Variants in POMK observed in about 807,000 individuals in gnomAD.
POMK encodes protein O-mannose kinase, also known as Sugen kinase 196.
Under a neutral mutation model 23.0 loss-of-function variants are expected in POMK, and 19 were observed. That is an observed-to-expected ratio of 0.83 (90% confidence interval 0.58 to 1.21). The LOEUF is 1.21. Ranked by LOEUF, POMK falls within the 50% of genes most tolerant of loss-of-function variation. The pLI is 0.00. For missense variants in POMK, 410 were observed against 431.3 expected, an observed-to-expected ratio of 0.95 and a Z score of 0.44; for synonymous variants, 173 against 171.6, an observed-to-expected ratio of 1.01 and a Z score of -0.06.
At chr8:43,108,700 G>A (rs1259551028) in intron 4 of POMK, among the ~76,000 whole-genome samples, 3 of 147,536 alleles carry the variant, frequency 2.0e-5, no homozygotes, top group African/African-American at 7.5e-5. Flanking sequence ...TTTATTCTAT[G>A]TCATAATCTC....
intron 4 of POMK, among the ~76,000 whole-genome samples, chr8:43,105,516 T>C (rs1390949781): frequency 6.6e-6 from 1 of 152,244 alleles, no homozygotes; most frequent in East Asian, 1.9e-4. Context: ...CAGATTTCCT[T>C]CTTTTTTATA....
chr8:43,122,071 A>C (rs1486602438), intron 4 of POMK, 36 bp from the exon 5 acceptor site: 2 of 1,589,134 alleles, frequency 1.3e-6, no homozygotes, highest in African/African-American at 2.7e-5. Context: ...ATTAGGTGAG[A>C]GTTCAGGCCT....
intron 4 of POMK, among the ~76,000 whole-genome samples, chr8:43,118,551 C>G (rs1488506003): frequency 6.6e-6 from 1 of 152,124 alleles, no homozygotes; most frequent in Admixed American, 6.5e-5. Context: ...TTTAACTGTT[C>G]TTTCCAAATA....
rs191438538 is a variant in POMK, at chr8:43,119,389, A to G, written c.283-2718A>G. Among the ~76,000 whole-genome samples, 72 of 151,636 alleles carry G rather than the reference A, an allele frequency of 4.7e-4. 1 individual carries two copies. Among genetic ancestry groups the G allele is most frequent in the Middle Eastern group, 3.4e-3 (1 of 290 alleles). On this transcript the variant is annotated intron_variant, in intron 4 of 4. Transcript: ENST00000331373. Reference sequence around the variant, plus strand: ...ATGTGGTCTTATCTAGTCCTTAAAAATTAGGAAATTTTTAGTGCATGTAGC... The same window carrying G: ...ATGTGGTCTTATCTAGTCCTTAAAAGTTAGGAAATTTTTAGTGCATGTAGC...
chr8:43,122,553 G>T lies in POMK; in HGVS notation c.729G>T (p.Lys243Asn). 6.2e-7 allele frequency: 1 copy of T among 1,614,224 alleles called. No homozygotes were observed. Among genetic ancestry groups the T allele is most frequent in the Non-Finnish European group, 8.5e-7 (1 of 1,180,042 alleles). The stretch of plus-strand genomic sequence containing the variant: ...ACCACAGCTCCGGGATGCTGGTGAA[G>T]TGCGGCCACAGGGAGCTGCATGGGG... ...LVNHSSGMLV[K>N]CGHRELHGDF... is the part of the protein sequence containing the mutation. Residue 243 changes from lysine to asparagine, a missense_variant, in exon 5 of 5, where the codon AAG becomes AAT. Physicochemically the swap from Lys to Asn is moderately conservative, Grantham distance 94. Transcript: ENST00000331373.
intron 2 of POMK, among the ~76,000 whole-genome samples, chr8:43,098,572 T>C (rs1008401464): frequency 1.3e-5 from 2 of 152,186 alleles, no homozygotes; most frequent in Admixed American, 1.3e-4. Context: ...AATGCTTCCG[T>C]GAACATTCAT....
At chr8:43,114,421 G>A (rs537538074) in intron 4 of POMK, among the ~76,000 whole-genome samples, 7 of 152,304 alleles carry the variant, frequency 4.6e-5, no homozygotes, top group South Asian at 4.1e-4. Context: ...AGCCACGTGC[G>A]GGATATAATC....
At position 43,123,046 on chromosome 8, in the gene POMK, T is replaced by C; in HGVS notation, c.*169T>C. ...CATGTACGTTTGTATGTAGTCCACA[T>C]TGGTTGTTAGATTTTTTTTTTTTTC... On this transcript the variant is annotated 3_prime_UTR_variant, in exon 5 of 5. Transcript: ENST00000331373. 3.2e-6 allele frequency: 2 copies of C among 616,824 alleles called. No individual in the cohort carries two copies. The highest frequency in any genetic ancestry group is 2.8e-5 in the East Asian group (1 of 35,948). 38.2% of individuals were successfully genotyped at this position (616,824 alleles called of 1,614,324 possible).
At chr8:43,121,850 TCA>T (rs1811922627) in intron 4 of POMK, among the ~76,000 whole-genome samples, 2 of 152,232 alleles carry the variant, frequency 1.3e-5, no homozygotes, top group Non-Finnish European at 2.9e-5. Flanking sequence ...GCAGCAGCTC[TCA>T]GTGTCCTGCC....
intron 4 of POMK, among the ~76,000 whole-genome samples, chr8:43,111,552 G>C (rs200551500): frequency 1.2e-4 from 18 of 152,216 alleles, no homozygotes; most frequent in Non-Finnish European, 1.9e-4. Context: ...ATGTCCCTGT[G>C]TGACAGCTTT....
chr8:43,122,087 T>C lies in POMK; in HGVS notation c.283-20T>C, dbSNP rs1157566974. 1.9e-6 allele frequency: 3 copies of C among 1,608,808 alleles called. No homozygotes were observed. The highest frequency in any genetic ancestry group is 1.3e-5 in the African/African-American group (1 of 74,830). On this transcript the variant is annotated intron_variant, in intron 4 of 4. Coordinates refer to ENST00000331373, the MANE Select transcript of POMK (RefSeq NM_032237.5). Reference sequence around the variant, plus strand: ...TTAGGTGAGAGTTCAGGCCTGATGCTCTCTATGGCTTTGTTGCAGGTCTTT... The same window carrying C: ...TTAGGTGAGAGTTCAGGCCTGATGCCCTCTATGGCTTTGTTGCAGGTCTTT...
chr8:43,103,928 A>C, intron 4 of POMK, 98 bp downstream of exon 4: 6 of 1,261,110 alleles, frequency 4.8e-6, no homozygotes, highest in Non-Finnish European at 6.7e-6. Context: ...ACGGAATTTC[A>C]TCCTTTGTTA....
At chr8:43,115,783 C>T (rs1053962977) in intron 4 of POMK, among the ~76,000 whole-genome samples, 2 of 152,218 alleles carry the variant, frequency 1.3e-5, no homozygotes, top group Non-Finnish European at 2.9e-5. Context: ...CTCTCTGTCT[C>T]ATTCTGAGTA....
intron 4 of POMK, among the ~76,000 whole-genome samples, chr8:43,119,341 T>A (rs1285312679): frequency 1.3e-5 from 2 of 151,776 alleles, no homozygotes; most frequent in East Asian, 1.9e-4. Flanking sequence ...TATGAAAATT[T>A]AAAAAAATCT....
intron 4 of POMK, 122 bp from the exon 5 acceptor site, chr8:43,121,985 C>A: frequency 1.1e-6 from 1 of 945,736 alleles, no homozygotes; most frequent in Non-Finnish European, 1.6e-6. Flanking sequence ...ACGATGGGGT[C>A]TGCACCTTGT....
chr8:43,100,129 A>G (rs1811408375), intron 2 of POMK, among the ~76,000 whole-genome samples: 1 of 152,160 alleles, frequency 6.6e-6, no homozygotes, highest in African/African-American at 2.4e-5. Flanking sequence ...TGGAAGTGCC[A>G]TGAGTGCAAA....
chr8:43,101,417 CAAA>C (rs1156411465), intron 2 of POMK, among the ~76,000 whole-genome samples: 32 of 57,504 alleles, frequency 5.6e-4, no homozygotes, highest in Non-Finnish European at 6.1e-4. Context: ...GACCCTATGT[CAAA>C]AAAAAAAAAA....
In POMK at chr8:43,122,261, C is replaced by T. The variant is rs776884318; in HGVS notation, c.437C>T (p.Thr146Ile). The T allele has an allele frequency of 6.2e-7, 1 of 1,614,086 alleles. No homozygotes were observed. The highest frequency in any genetic ancestry group is 8.5e-7 in the Non-Finnish European group (1 of 1,180,036). Residue 146 changes from threonine to isoleucine, a missense_variant, in exon 5 of 5, where the codon ACT becomes ATT. Physicochemically the swap from Thr to Ile is moderately conservative, Grantham distance 89. Coordinates refer to ENST00000331373, the MANE Select transcript of POMK (RefSeq NM_032237.5). ...CTTGGCTATTGTGAGGATGACAACA[C>T]TATGCTTACTGAATATCACCCTCTA... is the stretch of plus-strand genomic sequence containing the variant. ...TLLGYCEDDN[T>I]MLTEYHPLGS... is the part of the protein sequence containing the mutation.
intron 4 of POMK, among the ~76,000 whole-genome samples, chr8:43,116,726 C>T (rs1811806335): frequency 6.6e-6 from 1 of 152,184 alleles, no homozygotes; most frequent in Non-Finnish European, 1.5e-5. Context: ...CAACTAAAAG[C>T]CTACTACTGA....
Sources: gnomAD v4.1 joint callset for allele counts (sites outside exome capture counted in the v4.1 genomes callset) on GRCh38, gnomAD v4.1.1 for gene constraint, MANE v1.5 for transcripts, NCBI Gene and HGNC (gene_info 2026-07-23, HGNC 2026-07-21) for gene names.